Variants in LRRC56 observed in about 807,000 individuals in gnomAD.
LRRC56 encodes the protein leucine-rich repeat-containing protein 56.
A neutral mutation model predicts 47.8 loss-of-function variants in LRRC56; 41 were observed. The ratio of observed to expected loss-of-function variants is 0.86; its 90% CI spans 0.67 to 1.11. The LOEUF is 1.11. LRRC56 is among the 50% of genes most tolerant of loss of function. LRRC56 has a pLI of 0.00. For missense variants in LRRC56, 759 were observed against 704.2 expected, an observed-to-expected ratio of 1.08 and a Z score of -0.88; for synonymous variants, 387 against 311.2, an observed-to-expected ratio of 1.24 and a Z score of -2.56.
the LRRC56 span, among the ~76,000 whole-genome samples, chr11:526,681 A>C: frequency 6.6e-6 from 1 of 152,216 alleles, no homozygotes; most frequent in Admixed American, 6.5e-5. Flanking sequence ...TCATGCCTGT[A>C]ATCCCAGCAC....
the LRRC56 span, among the ~76,000 whole-genome samples, chr11:518,363 G>C: frequency 6.6e-6 from 1 of 151,902 alleles, no homozygotes; most frequent in African/African-American, 2.4e-5. Flanking sequence ...TTGTATTTCT[G>C]GTAGAGACGG....
At chr11:535,781 A>G (rs1383748226), upstream of LRRC56, among the ~76,000 whole-genome samples, 1 of 151,782 alleles carries the variant, frequency 6.6e-6, no homozygotes, top group African/African-American at 2.4e-5. Flanking sequence ...ACCGGAGCCG[A>G]GCTCGGGGTT....
upstream of LRRC56, chr11:533,673 T>C (rs962278277): frequency 9.9e-6 from 16 of 1,612,232 alleles, no homozygotes; most frequent in African/African-American, 1.3e-4. Flanking sequence ...ATCCAGGACA[T>C]GCGCAGAGAG....
At chr11:512,710 G>A in the LRRC56 span, among the ~76,000 whole-genome samples, 1 of 152,136 alleles carries the variant, frequency 6.6e-6, no homozygotes, top group African/African-American at 2.4e-5. Context: ...GTTCTCTTTT[G>A]TATCTGACTT....
At chr11:535,091 C>A (rs1303965355), upstream of LRRC56, among the ~76,000 whole-genome samples, 1 of 151,932 alleles carries the variant, frequency 6.6e-6, no homozygotes, top group African/African-American at 2.4e-5. Context: ...TGGCCGCGGC[C>A]GCCTCCTCCC....
chr11:553,563 G>C (rs1023795813), intron 13 of LRRC56, among the ~76,000 whole-genome samples: 3 of 152,170 alleles, frequency 2.0e-5, no homozygotes, highest in Non-Finnish European at 4.4e-5. Context: ...GCATGCCAGG[G>C]CTCCAGACAC....
At chr11:508,191 G>C in the LRRC56 span, among the ~76,000 whole-genome samples, 4 of 152,040 alleles carry the variant, frequency 2.6e-5, no homozygotes, top group African/African-American at 4.8e-5. Flanking sequence ...TTCGAGACAG[G>C]GTCTCACTCC....
chr11:539,406 A>T (rs1256268782), intron 2 of LRRC56, among the ~76,000 whole-genome samples, 174 bp from the exon 3 acceptor site: 11 of 53,826 alleles, frequency 2.0e-4, no homozygotes, highest in Non-Finnish European at 3.5e-4. Flanking sequence ...TTTTTTTGAG[A>T]CAGAGTCTTG....
At chr11:532,443 C>CCTTG in the LRRC56 span, 3 of 768,582 alleles carry the variant, frequency 3.9e-6, no homozygotes, top group African/African-American at 5.2e-5. Flanking sequence ...TTCCTTCCTT[C>CCTTG]CTTGCTTCCG....
chr11:524,417 A>C, the LRRC56 span, among the ~76,000 whole-genome samples: 3 of 150,744 alleles, frequency 2.0e-5, no homozygotes, highest in Non-Finnish European at 3.0e-5. Flanking sequence ...GGTTCACCTG[A>C]GGTCGGGAGT....
At chr11:523,963 CAAGATCTG>C in the LRRC56 span, among the ~76,000 whole-genome samples, 2 of 151,912 alleles carry the variant, frequency 1.3e-5, no homozygotes, top group Non-Finnish European at 2.9e-5. Flanking sequence ...AAGAAAACTA[CAAGATCTG>C]AAGAAAAAAA....
At chr11:533,841 A>C (rs755488418), upstream of LRRC56, 2 of 1,613,334 alleles carry the variant, frequency 1.2e-6, no homozygotes, top group Non-Finnish European at 1.7e-6. Flanking sequence ...CCCGGTGCGC[A>C]TGTACTGGTC....
At chr11:547,716 A>G (rs55992597) in intron 6 of LRRC56, among the ~76,000 whole-genome samples, 29,819 of 152,214 alleles carry the variant, frequency 0.2, 3,368 homozygotes, top group African/African-American at 0.32. Flanking sequence ...TAAAAAGCAC[A>G]TAAATACACA....
chr11:537,932 T>A (rs1363571041), intron 1 of LRRC56, among the ~76,000 whole-genome samples: 1 of 152,032 alleles, frequency 6.6e-6, no homozygotes. Context: ...CGAGCCCCCA[T>A]GGTGAAGGGG....
At chr11:531,755 C>T in the LRRC56 span, among the ~76,000 whole-genome samples, 3 of 152,224 alleles carry the variant, frequency 2.0e-5, no homozygotes, top group African/African-American at 7.2e-5. Context: ...TGGAGCCCTA[C>T]TTCCAAGGTC....
chr11:550,985 A>G (rs1852351677), intron 8 of LRRC56, 146 bp from the exon 9 acceptor site: 1 of 518,704 alleles, frequency 1.9e-6, no homozygotes, highest in South Asian at 3.0e-5. Flanking sequence ...ACCCAAGCCC[A>G]CCCCTGCAGG....
chr11:525,829 G>A, the LRRC56 span, among the ~76,000 whole-genome samples: 1 of 152,166 alleles, frequency 6.6e-6, no homozygotes, highest in Non-Finnish European at 1.5e-5. Context: ...AAGCCAGGCA[G>A]GTTGAGGCTG....
the LRRC56 span, among the ~76,000 whole-genome samples, chr11:508,906 A>G: frequency 2.0e-5 from 3 of 152,100 alleles, no homozygotes; most frequent in South Asian, 2.1e-4. Flanking sequence ...TTAGCCAGGC[A>G]TGGTGGTGCA....
At chr11:524,662 TAAAA>T in the LRRC56 span, among the ~76,000 whole-genome samples, 27 of 151,680 alleles carry the variant, frequency 1.8e-4, no homozygotes, top group South Asian at 5.6e-3. Flanking sequence ...TAAAATAAAA[TAAAA>T]AAGAGAAAGG....
Sources: allele counts gnomAD v4.1 joint callset (sites outside exome capture counted in the v4.1 genomes callset), GRCh38; gene constraint gnomAD v4.1.1; transcripts MANE v1.5; gene names NCBI Gene and HGNC (gene_info 2026-07-23, HGNC 2026-07-21).